The following KNSTRN variants were observed in gnomAD, a reference collection of about 807,000 sequenced individuals.
KNSTRN encodes kinetochore localized astrin (SPAG5) binding protein, also known as small kinetochore-associated protein.
A neutral mutation model predicts 44.7 loss-of-function variants in KNSTRN; 38 were observed. The ratio of observed to expected loss-of-function variants is 0.85; its 90% CI spans 0.66 to 1.11. The LOEUF is 1.11. KNSTRN is among the 50% of genes most tolerant of loss of function. The pLI, the probability that KNSTRN is intolerant of heterozygous loss-of-function variation, is 0.00. For missense variants in KNSTRN, 406 were observed against 375.8 expected (o/e 1.08, Z -0.66); for synonymous variants, 158 against 148.1 (o/e 1.07, Z -0.48).
rs1236370288 is a variant in KNSTRN at position 40,382,834 on chromosome 15, G to T, written c.-2G>T. The T allele has an allele frequency of 6.2e-7, 1 of 1,608,768 alleles. No individual in the cohort carries two copies. The highest frequency in any genetic ancestry group is 8.5e-7 in the Non-Finnish European group (1 of 1,178,798). On this transcript the variant is annotated 5_prime_UTR_variant, in exon 1 of 9. Transcript: ENST00000249776. ...GGCCTCTGAGCGAACCTTCCGTACAGTATGGCGGCTCCCGAAGCCCCGCCC... is the reference window on the plus strand; with the variant it reads ...GGCCTCTGAGCGAACCTTCCGTACATTATGGCGGCTCCCGAAGCCCCGCCC...
intron 1 of KNSTRN, 47 bp from the exon 2 acceptor site, chr15:40,383,181 G>C (rs147559298): frequency 0.025 from 39,226 of 1,595,424 alleles, 628 homozygotes; most frequent in Middle Eastern, 0.043. Context: ...CCACTCTCTC[G>C]GGCCCAGTGG....
chr15:40,383,681 G>C (rs1468236834), intron 2 of KNSTRN, among the ~76,000 whole-genome samples: 2 of 152,154 alleles, frequency 1.3e-5, no homozygotes, highest in Admixed American at 1.3e-4. Context: ...TGTTTTCAGG[G>C]AGGAAAGAGG....
chr15:40,391,730 G>A, intron 7 of KNSTRN, 176 bp downstream of exon 7: 1 of 668,934 alleles, frequency 1.5e-6, no homozygotes, highest in Non-Finnish European at 2.6e-6. Context: ...TTGAAAGGTA[G>A]CTTTGTGCTT....
At chr15:40,385,151 G>A (rs932161566) in intron 2 of KNSTRN, among the ~76,000 whole-genome samples, 1 of 152,136 alleles carries the variant, frequency 6.6e-6, no homozygotes, top group Non-Finnish European at 1.5e-5. Context: ...CTTAAGTTAG[G>A]TCAAACTTAA....
chr15:40,384,138 G>C (rs1889862038), intron 2 of KNSTRN: 2 of 200,180 alleles, frequency 1.0e-5, no homozygotes, highest in Admixed American at 5.8e-5. Flanking sequence ...CTTTGGGAGG[G>C]CGAGGTGGGC....
rs780119239 is a variant in KNSTRN, at chr15:40,386,424, T to G, written c.367T>G (p.Ser123Ala). The change falls in exon 3 of 9, where the codon TCC (serine) becomes GCC (alanine). Residue 123 changes from serine to alanine, a missense_variant. Physicochemically the swap from Ser to Ala is moderately conservative, Grantham distance 99 (BLOSUM62 1). Coordinates refer to ENST00000249776, the MANE Select transcript of KNSTRN (RefSeq NM_033286.4). The stretch of plus-strand genomic sequence containing the variant: ...TGTTAGGTCCAAAGAAGTCGATGTT[T>G]CCAAACAGCTTCATTCAGGAGGTCC... ...LPVRSKEVDV[S>A]KQLHSGGPEN... The G allele has an allele frequency of 1.0e-4, 162 of 1,614,004 alleles. No homozygotes were observed. The highest frequency in any genetic ancestry group is 1.3e-4 in the Non-Finnish European group (150 of 1,180,014).
Position 40,383,328 on chromosome 15 carries a change from G to T in KNSTRN, c.304+6G>T, listed in dbSNP as rs1889847448. 1 of 1,606,746 alleles carries T rather than the reference G, an allele frequency of 6.2e-7. No homozygotes were observed. Among genetic ancestry groups the T allele is most frequent in the Non-Finnish European group, 8.5e-7 (1 of 1,174,566 alleles). The stretch of plus-strand genomic sequence containing the variant: ...GAGCGGCGGCCAGCCGGCAGGTGAG[G>T]GTCCAAGCCACGCCCGGGGCACTGC... On this transcript the variant is annotated splice_donor_region_variant and intron_variant, in intron 2 of 8. Coordinates refer to ENST00000249776, the MANE Select transcript of KNSTRN (RefSeq NM_033286.4).
At chr15:40,384,304 G>A in intron 2 of KNSTRN, 3 of 320,972 alleles carry the variant, frequency 9.3e-6, no homozygotes, top group South Asian at 6.9e-5. Flanking sequence ...AACCCGGGAG[G>A]CGGAGCTTGC....
intron 3 of KNSTRN, 134 bp from the exon 4 acceptor site, chr15:40,387,025 C>A: frequency 1.4e-6 from 1 of 713,858 alleles, no homozygotes; most frequent in Non-Finnish European, 2.5e-6. Context: ...TCTCTCAGAG[C>A]TCTTAAGCTT....
rs1340669131 is a variant in KNSTRN at position 40,382,893 on chromosome 15, A to G, written c.58A>G (p.Thr20Ala). 1.9e-6 allele frequency: 3 copies of G among 1,612,140 alleles called. No individual in the cohort carries two copies. The highest frequency in any genetic ancestry group is 2.5e-6 in the Non-Finnish European group (3 of 1,180,028). Residue 20 changes from threonine (T) to alanine (A), a missense_variant, in exon 1 of 9, where the codon ACA (threonine) becomes GCA (alanine). Transcript: ENST00000249776. ...DRVFRTTWLS[T>A]ECDSHPLPPS... ...AGTTTTCCGTACAACATGGCTGTCT[A>G]CAGAGTGCGATTCCCACCCACTTCC... is the stretch of plus-strand genomic sequence containing the variant.
rs1293639513 is a variant in KNSTRN, at chr15:40,383,037, G to A, written c.202G>A (p.Ala68Thr). 3.7e-6 allele frequency: 6 copies of A among 1,610,544 alleles called. No individual in the cohort carries two copies. Among genetic ancestry groups the A allele is most frequent in the Admixed American group, 1.7e-5 (1 of 60,038 alleles). ...GAAGGACTGCGGGCAGGACCGGCGG[G>A]CTCCTGGGTTCGGCTCTCCCGGGGC... ...SEKDCGQDRRAPGVQPCRLVT... is the reference protein window; with the variant it reads ...SEKDCGQDRRTPGVQPCRLVT... The change falls in exon 1 of 9, where the codon GCT becomes ACT. Residue 68 changes from alanine (A) to threonine (T), a missense_variant. Transcript: ENST00000249776.
chr15:40,383,090 A>G (rs1889840671), intron 1 of KNSTRN, 46 bp downstream of exon 1: 1 of 1,600,836 alleles, frequency 6.2e-7, no homozygotes, highest in African/African-American at 1.3e-5. Flanking sequence ...GGGAGGAAGG[A>G]CGGAATGAGC....
intron 6 of KNSTRN, among the ~76,000 whole-genome samples, chr15:40,390,326 C>G (rs991269312): frequency 6.6e-6 from 1 of 152,214 alleles, no homozygotes; most frequent in African/African-American, 2.4e-5. Context: ...TTCAAGCATA[C>G]TAGTAATCCC....
At chr15:40,384,387 T>A in intron 2 of KNSTRN, 1 of 432,510 alleles carries the variant, frequency 2.3e-6, no homozygotes. Context: ...AAAAAAAAGA[T>A]TGAGCTCTGA....
chr15:40,382,928 C>T lies in KNSTRN; in HGVS notation c.93C>T (p.Tyr31=), dbSNP rs561358639. The change falls in exon 1 of 9, where the codon TAC becomes TAT. Residue 31 remains tyrosine, a synonymous_variant. Transcript: ENST00000249776. ...ATTCCCACCCACTTCCGCCTAGCTA[C>T]CGGAAGTTTCTATTTGAAACCCAGG... is the stretch of plus-strand genomic sequence containing the variant. ...ECDSHPLPPS[Y]RKFLFETQAA... is the part of the protein sequence containing the mutation. 4 of 1,612,342 alleles carry T rather than the reference C, an allele frequency of 2.5e-6. No individual in the cohort carries two copies. Among genetic ancestry groups the T allele is most frequent in the Non-Finnish European group, 3.4e-6 (4 of 1,180,040 alleles).
rs558680125 is a variant in KNSTRN, at chr15:40,382,862, G to A, written c.27G>A (p.Leu9=). Reference sequence around the variant, plus strand: ...TGGCGGCTCCCGAAGCCCCGCCCCTGGACAGAGTTTTCCGTACAACATGGC... The same window carrying A: ...TGGCGGCTCCCGAAGCCCCGCCCCTAGACAGAGTTTTCCGTACAACATGGC... MAAPEAPP[L]DRVFRTTWLS... is the part of the protein sequence containing the mutation. Residue 9 remains leucine, a synonymous_variant, in exon 1 of 9, where the codon CTG becomes CTA. Coordinates refer to ENST00000249776, the MANE Select transcript of KNSTRN (RefSeq NM_033286.4). 2.4e-5 allele frequency: 39 copies of A among 1,611,882 alleles called. No homozygotes were observed. The African/African-American group carries it at 3.6e-4, about 15-fold the overall frequency.
At chr15:40,391,664 T>A (rs1890000114) in intron 7 of KNSTRN, 110 bp downstream of exon 7, 1 of 902,746 alleles carries the variant, frequency 1.1e-6, no homozygotes, top group Non-Finnish European at 1.8e-6. Context: ...AGCCTTTGAT[T>A]ATCTGTGATG....
At chr15:40,386,322 T>C (rs1327452960) in intron 2 of KNSTRN, 40 bp from the exon 3 acceptor site, 17 of 1,599,642 alleles carry the variant, frequency 1.1e-5, no homozygotes, top group Non-Finnish European at 1.4e-5. Flanking sequence ...AACTGTCGGG[T>C]CATGATGCCA....
At chr15:40,388,729 G>A (rs1042006526) in intron 4 of KNSTRN, among the ~76,000 whole-genome samples, 6 of 150,642 alleles carry the variant, frequency 4.0e-5, no homozygotes, top group African/African-American at 1.5e-4. Context: ...GTGGTTTTCC[G>A]CCCTTGGCAG....
Sources: gnomAD v4.1 joint callset for allele counts (sites outside exome capture counted in the v4.1 genomes callset) on GRCh38, gnomAD v4.1.1 for gene constraint, MANE v1.5 for transcripts, NCBI Gene and HGNC (gene_info 2026-07-23, HGNC 2026-07-21) for gene names.